PARD3B: variants seen among roughly 807,000 people sequenced by gnomAD.
PARD3B encodes the protein partitioning defective 3 homolog B.
Under a neutral mutation model 130.2 loss-of-function variants are expected in PARD3B, and 103 were observed. That is an observed-to-expected ratio of 0.79 (90% CI 0.67 to 0.93). PARD3B has a LOEUF of 0.93. Among genes scored for constraint, PARD3B ranks in the 40% least tolerant of loss-of-function variants. PARD3B has a pLI of 0.00. For missense variants in PARD3B, 1,609 were observed against 1,499.2 expected, an observed-to-expected ratio of 1.07 and a Z score of -1.21; for synonymous variants, 583 against 553.2, an observed-to-expected ratio of 1.05 and a Z score of -0.76.
chr2:205,482,969 G>A (rs937368459), intron 20 of PARD3B, among the ~76,000 whole-genome samples: 1 of 151,852 alleles, frequency 6.6e-6, no homozygotes, highest in African/African-American at 2.4e-5. Context: ...AGCTGTGAGC[G>A]GCTGAATTCC....
At chr2:204,639,222 T>C (rs528746736) in intron 1 of PARD3B, among the ~76,000 whole-genome samples, 2 of 152,344 alleles carry the variant, frequency 1.3e-5, no homozygotes, top group African/African-American at 4.8e-5. Flanking sequence ...CTAATTCATA[T>C]AAGCATTTAT....
intron 3 of PARD3B, among the ~76,000 whole-genome samples, chr2:205,041,450 G>A (rs1033222282): frequency 6.6e-6 from 1 of 152,080 alleles, no homozygotes; most frequent in African/African-American, 2.4e-5. Context: ...TGCTTTTTAT[G>A]TGTAGTCAGT....
chr2:205,134,392 C>T (rs923784796), intron 10 of PARD3B, among the ~76,000 whole-genome samples: 20 of 150,652 alleles, frequency 1.3e-4, no homozygotes, highest in Non-Finnish European at 2.1e-4. Context: ...GGCATGGTGG[C>T]ACACACCTGT....
chr2:205,364,073 C>G (rs1259188493), intron 18 of PARD3B, among the ~76,000 whole-genome samples: 3 of 152,028 alleles, frequency 2.0e-5, no homozygotes, highest in Non-Finnish European at 4.4e-5. Flanking sequence ...TCTGTCAGTT[C>G]TAAAATGAAG....
chr2:205,600,465 G>A (rs988312803), intron 22 of PARD3B, among the ~76,000 whole-genome samples: 2 of 152,176 alleles, frequency 1.3e-5, no homozygotes, highest in African/African-American at 2.4e-5. Flanking sequence ...TTTGTTGTTG[G>A]TGGTGTTGTT....
intron 15 of PARD3B, among the ~76,000 whole-genome samples, chr2:205,212,543 T>C (rs1275916886): frequency 1.3e-5 from 2 of 152,070 alleles, no homozygotes; most frequent in African/African-American, 4.8e-5. Context: ...CGTGGAGCAA[T>C]GCTGTGAAGT....
At chr2:205,408,785 G>T (rs2046497041) in intron 19 of PARD3B, among the ~76,000 whole-genome samples, 2 of 152,056 alleles carry the variant, frequency 1.3e-5, no homozygotes, top group Non-Finnish European at 2.9e-5. Flanking sequence ...ATTCAGCATG[G>T]TTTTACTCAT....
At position 205,575,147 on chromosome 2, in the gene PARD3B, T is replaced by TA. The variant is rs2053709265; in HGVS notation, c.3260+21746dup. On this transcript the variant is annotated intron_variant, in intron 22 of 22. Coordinates refer to ENST00000406610, the MANE Select transcript of PARD3B (RefSeq NM_001302769.2). This position sits in a 1 kb window ranked among gnomAD's most constrained non-coding sequence, Gnocchi z 4.6. ...CTATATATAAAAATATATTTTCATG[T>TA]AAGGTATATATATATTATACACACA... Among the ~76,000 whole-genome samples, 2 of 151,716 alleles carry TA rather than the reference T, an allele frequency of 1.3e-5. No individual in the cohort carries two copies. Among genetic ancestry groups the TA allele is most frequent in the East Asian group, 3.9e-4 (2 of 5,172 alleles).
At chr2:204,682,912 A>C (rs2036905563) in intron 1 of PARD3B, among the ~76,000 whole-genome samples, 1 of 152,170 alleles carries the variant, frequency 6.6e-6, no homozygotes, top group Non-Finnish European at 1.5e-5. Flanking sequence ...CATAAGGTAA[A>C]ATTTCATGTC....
At position 205,553,648 on chromosome 2, in the gene PARD3B, A is replaced by G. The variant is rs113993194; in HGVS notation, c.3260+245A>G. On this transcript the variant is annotated intron_variant, in intron 22 of 22. Coordinates refer to ENST00000406610, the MANE Select transcript of PARD3B (RefSeq NM_001302769.2). ...GAACGTGTCAGCAAGAACATTGGATACTAAATGGAAATCCTAAGCCATTGC... is the reference window on the plus strand; with the variant it reads ...GAACGTGTCAGCAAGAACATTGGATGCTAAATGGAAATCCTAAGCCATTGC... Among the ~76,000 whole-genome samples the G allele has an allele frequency of 3.5e-3, 535 of 152,338 alleles. 9 individuals carry two copies. Among genetic ancestry groups the G allele is most frequent in the African/African-American group, 0.012 (510 of 41,582 alleles).
At chr2:204,717,367 T>A (rs185830379) in intron 2 of PARD3B, among the ~76,000 whole-genome samples, 2 of 152,338 alleles carry the variant, frequency 1.3e-5, no homozygotes, top group South Asian at 2.1e-4. Context: ...TTTCTCCTAA[T>A]TGAATCCACT....
intron 15 of PARD3B, among the ~76,000 whole-genome samples, chr2:205,226,691 T>C (rs1038207927): frequency 2.6e-5 from 4 of 152,178 alleles, no homozygotes; most frequent in African/African-American, 7.2e-5. Flanking sequence ...TTCTTTCTAG[T>C]TTCTCTGTTC....
At chr2:204,591,495 T>C (rs971350828) in intron 1 of PARD3B, among the ~76,000 whole-genome samples, 2 of 152,236 alleles carry the variant, frequency 1.3e-5, no homozygotes, top group Admixed American at 6.5e-5. Context: ...TGATTATAAG[T>C]GTCTCTTTCT....
At chr2:205,519,248 A>C (rs1559171180) in intron 21 of PARD3B, among the ~76,000 whole-genome samples, 4 of 152,138 alleles carry the variant, frequency 2.6e-5, no homozygotes. Context: ...TCATAATCCC[A>C]TACTTTCCAG....
At chr2:205,498,824 T>C (rs2050043432) in intron 20 of PARD3B, among the ~76,000 whole-genome samples, 1 of 152,196 alleles carries the variant, frequency 6.6e-6, no homozygotes, top group African/African-American at 2.4e-5. Flanking sequence ...TGTGATTTTC[T>C]TCAATGGCCC....
intron 10 of PARD3B, among the ~76,000 whole-genome samples, chr2:205,143,889 A>G (rs1559481526): frequency 6.6e-6 from 1 of 152,214 alleles, no homozygotes; most frequent in Non-Finnish European, 1.5e-5. Flanking sequence ...AAGAGAAGGG[A>G]AAGATGTGAT....
chr2:204,698,194 C>T (rs1298505302), intron 2 of PARD3B, among the ~76,000 whole-genome samples: 2 of 152,040 alleles, frequency 1.3e-5, no homozygotes, highest in Non-Finnish European at 2.9e-5. Flanking sequence ...TACGGATTGT[C>T]GTTGGTTACC....
intron 4 of PARD3B, among the ~76,000 whole-genome samples, chr2:205,068,235 GT>G (rs1298678322): frequency 1.3e-5 from 2 of 152,102 alleles, no homozygotes; most frequent in Non-Finnish European, 1.5e-5. Flanking sequence ...ATGAATTTTT[GT>G]GTGTTGCCAA....
At chr2:204,850,514 G>C (rs752722748) in intron 2 of PARD3B, among the ~76,000 whole-genome samples, 13 of 136,364 alleles carry the variant, frequency 9.5e-5, no homozygotes, top group Non-Finnish European at 1.6e-4. Flanking sequence ...ATATATATGT[G>C]TGTGATTGAT....
Sources: allele counts gnomAD v4.1 joint callset (sites outside exome capture counted in the v4.1 genomes callset), GRCh38; gene constraint gnomAD v4.1.1; non-coding constraint Gnocchi (gnomAD v3.1); transcripts MANE v1.5; gene names NCBI Gene and HGNC (gene_info 2026-07-23, HGNC 2026-07-21).